Variants in TTL observed in about 807,000 individuals in gnomAD.
The protein encoded by TTL is tubulin tyrosine ligase.
TTL carries 10 observed loss-of-function variants against 41.1 expected under a neutral mutation model. That is an observed-to-expected ratio of 0.24 (90% CI 0.15 to 0.41). TTL has a LOEUF of 0.41. Among genes scored for constraint, TTL ranks in the 10% least tolerant of loss-of-function variants. TTL has a pLI of 1.00. For missense variants in TTL, 367 were observed against 460.4 expected (o/e 0.80, Z 1.86); for synonymous variants, 175 against 175.5 (o/e 1.00, Z 0.02).
At chr2:112,493,139 A>G (rs750065332) in intron 2 of TTL, among the ~76,000 whole-genome samples, 4 of 152,116 alleles carry the variant, frequency 2.6e-5, no homozygotes, top group Non-Finnish European at 4.4e-5. Flanking sequence ...TCTATCTACA[A>G]TGTCGTTATT....
chr2:112,516,143 A>G lies in TTL; in HGVS notation c.876-4139A>G, dbSNP rs1359622149. Among the ~76,000 whole-genome samples the G allele has an allele frequency of 2.6e-5, 4 of 152,222 alleles. No homozygotes were observed. In the South Asian group the frequency reaches 8.3e-4, roughly 32 times the overall value. Reference sequence around the variant, plus strand: ...AGTGTTACATCTGTGGCATTCATCCATGTTATTGCACATAACAGTAGTTTA... The same window carrying G: ...AGTGTTACATCTGTGGCATTCATCCGTGTTATTGCACATAACAGTAGTTTA... On this transcript the variant is annotated intron_variant, in intron 5 of 6. Coordinates refer to ENST00000233336, the MANE Select transcript of TTL (RefSeq NM_153712.5).
rs908038802 is a variant in TTL at position 112,534,554 on chromosome 2, A to G, written c.*5759A>G. ...AGAATTGCCATTTGGCCTTTTTGGT[A>G]GTTCCATGTAAGTCCCTACTCCTAG... is the stretch of plus-strand genomic sequence containing the variant. On this transcript the variant is annotated 3_prime_UTR_variant, in exon 7 of 7. Coordinates refer to ENST00000233336, the MANE Select transcript of TTL (RefSeq NM_153712.5). 1 of 152,388 alleles carries G rather than the reference A, an allele frequency of 6.6e-6. No individual in the cohort carries two copies. The highest frequency in any genetic ancestry group is 2.1e-4 in the South Asian group (1 of 4,830). The allele number at this position is 152,388 out of a possible 1,614,324, so 9.4% of individuals were successfully genotyped here.
chr2:112,482,831 C>T lies in TTL; in HGVS notation c.157+330C>T, dbSNP rs974492936. ...GTCTAGCGGCTCCCCCGGGCCGAAG[C>T]CCCCAGATTTGGCGGGTCCGCCGCG... On this transcript the variant is annotated intron_variant, in intron 1 of 6. Coordinates refer to ENST00000233336, the MANE Select transcript of TTL (RefSeq NM_153712.5). This position sits in a 1 kb window ranked among gnomAD's most constrained non-coding sequence, Gnocchi z 5.3. Among the ~76,000 whole-genome samples the T allele has an allele frequency of 1.4e-4, 22 of 152,150 alleles. No individual in the cohort carries two copies. The highest frequency in any genetic ancestry group is 5.1e-4 in the African/African-American group (21 of 41,452).
At position 112,516,686 on chromosome 2, in the gene TTL, A is replaced by G. The variant is rs759402399; in HGVS notation, c.876-3596A>G. Among the ~76,000 whole-genome samples, 5 of 152,024 alleles carry G rather than the reference A, an allele frequency of 3.3e-5. No homozygotes were observed. In the South Asian group the frequency reaches 6.2e-4, roughly 19 times the overall value. On this transcript the variant is annotated intron_variant, in intron 5 of 6. Transcript: ENST00000233336. ...AAGATTCCATCTCAGAAATCAATCA[A>G]TCAATCAGGTGGCCATTTATGTGAG...
intron 4 of TTL, 106 bp from the exon 5 acceptor site, chr2:112,502,806 A>G (rs1448125905): frequency 7.6e-7 from 1 of 1,309,700 alleles, no homozygotes; most frequent in Non-Finnish European, 1.0e-6. Context: ...GTTGCCTCCC[A>G]CTCCTTACCT....
intron 6 of TTL, among the ~76,000 whole-genome samples, chr2:112,526,526 G>A (rs1429940646): frequency 1.3e-5 from 2 of 152,176 alleles, no homozygotes; most frequent in African/African-American, 4.8e-5. Flanking sequence ...GAGGGTGTAT[G>A]TGTCCAGGAA....
intron 6 of TTL, chr2:112,521,372 C>A (rs532197457): frequency 3.4e-5 from 33 of 985,066 alleles, no homozygotes; most frequent in Non-Finnish European, 3.7e-5. Flanking sequence ...GAAGGCCTTA[C>A]GTGTCAGGGA....
intron 6 of TTL, chr2:112,521,397 CA>C: frequency 1.0e-6 from 1 of 981,780 alleles, no homozygotes; most frequent in Non-Finnish European, 1.2e-6. Flanking sequence ...CACTCGGACT[CA>C]ATTCTCTTGT....
chr2:112,509,601 C>CT (rs1441891485), intron 5 of TTL, among the ~76,000 whole-genome samples: 1 of 152,128 alleles, frequency 6.6e-6, no homozygotes, highest in Non-Finnish European at 1.5e-5. Flanking sequence ...TCACCCCTTT[C>CT]TTTGACTCGG....
At chr2:112,515,045 G>C (rs73955225) in intron 5 of TTL, among the ~76,000 whole-genome samples, 7 of 152,028 alleles carry the variant, frequency 4.6e-5, no homozygotes, top group Non-Finnish European at 8.8e-5. Context: ...TTTAGTTAGC[G>C]TGCTTTTTAG....
rs371547194 is a variant in TTL, at chr2:112,482,520, C to G, written c.157+19C>G. 6.3e-7 allele frequency: 1 copy of G among 1,581,314 alleles called. No homozygotes were observed. Among genetic ancestry groups the G allele is most frequent in the South Asian group, 1.1e-5 (1 of 88,060 alleles). ...AGACTGGGTGAGCCCCTCCCCGATT[C>G]CCGTCTGCCCTCCTCGGAGCGGCCC... On this transcript the variant is annotated intron_variant, in intron 1 of 6. Transcript: ENST00000233336. The surrounding 1 kb of genome is among the most constrained non-coding windows in gnomAD (Gnocchi z 5.3).
intron 1 of TTL, among the ~76,000 whole-genome samples, chr2:112,484,418 C>T (rs1390107184): frequency 6.6e-6 from 1 of 151,854 alleles, no homozygotes; most frequent in Non-Finnish European, 1.5e-5. Flanking sequence ...CGCGCATCAC[C>T]ATGCCCAGCT....
intron 5 of TTL, among the ~76,000 whole-genome samples, chr2:112,512,792 A>G (rs1443143088): frequency 2.0e-5 from 3 of 152,088 alleles, no homozygotes; most frequent in African/African-American, 7.2e-5. Context: ...TTGGACTCAC[A>G]TCTGCCATCT....
intron 2 of TTL, among the ~76,000 whole-genome samples, chr2:112,490,882 T>C (rs1681365656): frequency 6.6e-6 from 1 of 152,108 alleles, no homozygotes; most frequent in Non-Finnish European, 1.5e-5. Context: ...CATAAATCCA[T>C]ATTTTAATAC....
intron 2 of TTL, among the ~76,000 whole-genome samples, chr2:112,488,901 A>T (rs907106395): frequency 3.3e-5 from 5 of 152,080 alleles, no homozygotes; most frequent in Non-Finnish European, 7.4e-5. Context: ...ATCCTGGCCA[A>T]CATGGTGAAA....
At chr2:112,497,932 G>A (rs1034615485) in intron 3 of TTL, among the ~76,000 whole-genome samples, 1 of 152,190 alleles carries the variant, frequency 6.6e-6, no homozygotes, top group Admixed American at 6.5e-5. Flanking sequence ...TCACTAAAGA[G>A]TGAGTTCAGC....
chr2:112,520,071 C>G (rs141061850), intron 5 of TTL, among the ~76,000 whole-genome samples: 10,049 of 143,918 alleles, frequency 0.07, 614 homozygotes, highest in East Asian at 0.31. Flanking sequence ...CGGAGGTTGC[C>G]ATGAGCCAAG....
rs1682504632 is a variant in TTL, at chr2:112,531,331, G to A, written c.*2536G>A. ...TTTGGAAATGTCAGTTGCAATCATG[G>A]TTCTGTCATTTGACTGCACAGTATC... On this transcript the variant is annotated 3_prime_UTR_variant, in exon 7 of 7. Coordinates refer to ENST00000233336, the MANE Select transcript of TTL (RefSeq NM_153712.5). 8.8e-6 allele frequency: 2 copies of A among 227,248 alleles called. No homozygotes were observed. Among genetic ancestry groups the A allele is most frequent in the South Asian group, 3.7e-4 (2 of 5,466 alleles). 14.1% of individuals were successfully genotyped at this position (227,248 alleles called of 1,614,324 possible).
intron 3 of TTL, among the ~76,000 whole-genome samples, chr2:112,496,665 C>CTGTGTGTGTGTGTG (rs10635241): frequency 1.9e-5 from 2 of 106,052 alleles, no homozygotes. Flanking sequence ...ATATATGTGT[C>CTGTGTGTGTGTGTG]TGTGTGTGTG....
Sources: gnomAD v4.1 joint callset for allele counts (sites outside exome capture counted in the v4.1 genomes callset) on GRCh38, gnomAD v4.1.1 for gene constraint, Gnocchi (gnomAD v3.1) non-coding constraint, MANE v1.5 for transcripts, NCBI Gene and HGNC (gene_info 2026-07-23, HGNC 2026-07-21) for gene names.